Variants in ZNF804A observed in about 807,000 individuals in gnomAD.
ZNF804A encodes the protein zinc finger protein 804A.
ZNF804A carries 2 observed loss-of-function variants against 16.5 expected under a neutral mutation model. The observed-to-expected ratio is 0.12, with a 90% CI of 0.05 to 0.38. The LOEUF (loss-of-function observed/expected upper bound fraction) is 0.38, where lower values mean the gene tolerates loss of function less well. Among genes scored for constraint, ZNF804A ranks in the 10% least tolerant of loss-of-function variants. ZNF804A has a pLI of 0.99. For synonymous variants in ZNF804A, 534 were observed against 489.6 expected (o/e 1.09, Z -1.20); for missense variants, 1,473 against 1,390.7 (o/e 1.06, Z -0.94).
chr2:184,668,894 C>T (rs961055621), intron 1 of ZNF804A, among the ~76,000 whole-genome samples: 3 of 151,956 alleles, frequency 2.0e-5, no homozygotes, highest in African/African-American at 7.2e-5. Context: ...CTAGAGACTA[C>T]ATTGTGAGAT....
chr2:184,873,274 AC>A (rs1696001566), intron 2 of ZNF804A, among the ~76,000 whole-genome samples: 1 of 152,106 alleles, frequency 6.6e-6, no homozygotes, highest in South Asian at 2.1e-4. Flanking sequence ...GGTTGATTGA[AC>A]CCAGGAGTTT....
intron 1 of ZNF804A, among the ~76,000 whole-genome samples, chr2:184,741,808 A>G (rs1693712572): frequency 6.6e-6 from 1 of 152,136 alleles, no homozygotes; most frequent in Non-Finnish European, 1.5e-5. Context: ...TAGGCTTTCC[A>G]TTGTGATAAA....
chr2:184,886,651 C>T (rs1212929287), intron 2 of ZNF804A, among the ~76,000 whole-genome samples: 1 of 152,248 alleles, frequency 6.6e-6, no homozygotes, highest in Non-Finnish European at 1.5e-5. Flanking sequence ...CAATTCTTGA[C>T]TTCTGTGCAC....
intron 1 of ZNF804A, among the ~76,000 whole-genome samples, chr2:184,600,653 T>C (rs988754223): frequency 6.6e-6 from 1 of 152,216 alleles, no homozygotes; most frequent in South Asian, 2.1e-4. Context: ...TTCATTTCCA[T>C]ATTTACAATA....
intron 1 of ZNF804A, among the ~76,000 whole-genome samples, chr2:184,608,568 A>G (rs1012270475): frequency 6.6e-6 from 1 of 152,212 alleles, no homozygotes; most frequent in Non-Finnish European, 1.5e-5. Context: ...GTTAAGCTCC[A>G]TCACAGTCAT....
chr2:184,937,675 C>T lies in ZNF804A; in HGVS notation c.2279C>T (p.Ser760Phe). The change falls in exon 4 of 4, where the codon TCT becomes TTT. Residue 760 changes from serine (S) to phenylalanine (F), a missense_variant. Ser to Phe is a radical substitution (Grantham distance 155). Coordinates refer to ENST00000302277, the MANE Select transcript of ZNF804A (RefSeq NM_194250.2). ...QNQAVKRGYN[S>F]VMNESERFYR... ...CAGGCTGTTAAAAGAGGTTACAATT[C>T]TGTCATGAATGAATCAGAAAGATTC... 3.1e-6 allele frequency: 5 copies of T among 1,614,032 alleles called. No homozygotes were observed. The highest frequency in any genetic ancestry group is 4.2e-6 in the Non-Finnish European group (5 of 1,179,992).
intron 2 of ZNF804A, among the ~76,000 whole-genome samples, chr2:184,886,589 A>G (rs562065613): frequency 2.1e-4 from 32 of 152,370 alleles, no homozygotes; most frequent in African/African-American, 7.7e-4. Context: ...TTGCCTGGGC[A>G]TCCAGGCATT....
intron 1 of ZNF804A, among the ~76,000 whole-genome samples, chr2:184,743,821 T>C (rs1693742397): frequency 6.6e-6 from 1 of 151,948 alleles, no homozygotes; most frequent in Non-Finnish European, 1.5e-5. Flanking sequence ...CTGGAAATGC[T>C]ATAAATTTGA....
chr2:184,653,898 C>T (rs958950436), intron 1 of ZNF804A, among the ~76,000 whole-genome samples: 3 of 152,144 alleles, frequency 2.0e-5, no homozygotes, highest in Non-Finnish European at 1.5e-5. Context: ...TGGAAAATTG[C>T]GTCTCCCTGG....
intron 2 of ZNF804A, among the ~76,000 whole-genome samples, chr2:184,870,784 A>C (rs1468988823): frequency 6.6e-6 from 1 of 152,030 alleles, no homozygotes; most frequent in Non-Finnish European, 1.5e-5. Context: ...AGATAAAACT[A>C]TTTGTAAGGA....
intron 1 of ZNF804A, among the ~76,000 whole-genome samples, chr2:184,663,779 T>C (rs1408703942): frequency 6.6e-6 from 1 of 152,190 alleles, no homozygotes; most frequent in Non-Finnish European, 1.5e-5. Context: ...TCATTGTCTT[T>C]TGCCCTAGGC....
At chr2:184,694,197 C>T (rs950767026) in intron 1 of ZNF804A, among the ~76,000 whole-genome samples, 2 of 150,942 alleles carry the variant, frequency 1.3e-5, no homozygotes, top group Admixed American at 6.6e-5. Context: ...GATCCACCTA[C>T]CTTGGCCTCC....
At chr2:184,783,594 T>C (rs1410224162) in intron 1 of ZNF804A, among the ~76,000 whole-genome samples, 1 of 151,906 alleles carries the variant, frequency 6.6e-6, no homozygotes, top group Non-Finnish European at 1.5e-5. Context: ...ACTTCTTCTG[T>C]TGTTTTGCCT....
intron 1 of ZNF804A, among the ~76,000 whole-genome samples, chr2:184,737,878 C>A (rs759201391): frequency 2.0e-5 from 3 of 152,102 alleles, no homozygotes; most frequent in Non-Finnish European, 2.9e-5. Flanking sequence ...AATCCCAGCA[C>A]TTTGGAAGGC....
intron 1 of ZNF804A, among the ~76,000 whole-genome samples, chr2:184,757,533 C>T (rs1693977139): frequency 6.6e-6 from 1 of 151,920 alleles, no homozygotes; most frequent in Non-Finnish European, 1.5e-5. Context: ...AGTCATCTTA[C>T]ATTTATGTTT....
intron 3 of ZNF804A, 42 bp downstream of exon 3, chr2:184,933,775 CA>C (rs948951608): frequency 3.8e-6 from 6 of 1,575,784 alleles, no homozygotes; most frequent in Middle Eastern, 1.7e-4. Flanking sequence ...AAAACATGAC[CA>C]AAAAAGGGGT....
intron 1 of ZNF804A, among the ~76,000 whole-genome samples, chr2:184,745,898 A>T (rs1225921321): frequency 2.0e-5 from 3 of 151,646 alleles, no homozygotes; most frequent in Non-Finnish European, 3.0e-5. Flanking sequence ...AAAATATCAA[A>T]TAGTGTATGA....
chr2:184,785,815 A>G (rs1316456098), intron 1 of ZNF804A, among the ~76,000 whole-genome samples: 2 of 152,126 alleles, frequency 1.3e-5, no homozygotes, highest in Non-Finnish European at 2.9e-5. Flanking sequence ...ACCTGTACAC[A>G]TTGATTATAC....
At chr2:184,757,091 T>C (rs976950510) in intron 1 of ZNF804A, among the ~76,000 whole-genome samples, 6 of 152,104 alleles carry the variant, frequency 3.9e-5, no homozygotes, top group African/African-American at 1.4e-4. Context: ...TATTAATTTA[T>C]CTTACATGAT....
Sources: allele counts gnomAD v4.1 joint callset (sites outside exome capture counted in the v4.1 genomes callset), GRCh38; gene constraint gnomAD v4.1.1; transcripts MANE v1.5; gene names NCBI Gene and HGNC (gene_info 2026-07-23, HGNC 2026-07-21).